The following NHSL2 variants were observed in gnomAD, a reference collection of about 807,000 sequenced individuals.
NHSL2 encodes the protein NHS like 2.
Under a neutral mutation model 53.4 loss-of-function variants are expected in NHSL2, and 27 were observed. The ratio of observed to expected loss-of-function variants is 0.51; its 90% CI spans 0.37 to 0.70. The LOEUF is 0.70. Among genes scored for constraint, NHSL2 ranks in the 30% least tolerant of loss-of-function variants. The pLI is 0.00. For synonymous variants in NHSL2, 408 were observed against 404.1 expected, an observed-to-expected ratio of 1.01 and a Z score of -0.12; for missense variants, 892 against 980.1, an observed-to-expected ratio of 0.91 and a Z score of 1.20.
chrX:72,013,182 TTCTC>T (rs2042122524), intron 1 of NHSL2, among the ~76,000 whole-genome samples: 1 of 112,361 alleles, frequency 8.9e-6, no homozygotes, highest in Non-Finnish European at 1.9e-5. Context: ...GCATATTTCT[TTCTC>T]TATTTAGGTC....
chrX:72,007,136 G>A (rs1209183043), intron 1 of NHSL2, among the ~76,000 whole-genome samples: 2 of 112,364 alleles, frequency 1.8e-5, no homozygotes, highest in East Asian at 2.8e-4. Context: ...CAAGGCAAGG[G>A]ACAGGCAGAG....
Position 72,110,678 on chromosome X carries a change from G to C in NHSL2, c.281-21401G>C, listed in dbSNP as rs140918185. Among the ~76,000 whole-genome samples the C allele has an allele frequency of 4.2e-3, 414 of 98,781 alleles. 4 individuals are homozygous for C. The highest frequency in any genetic ancestry group is 0.015 in the African/African-American group (393 of 26,322). The allele number at this position is 98,781 out of a possible 115,157, so 85.8% of individuals were successfully genotyped here. On this transcript the variant is annotated intron_variant, in intron 1 of 7. Transcript: ENST00000633930. ...TCTGTAGGCCCTAGACTTTGGACAG[G>C]ACGCTGAACGGCTTGTCCCCTCCTT...
intron 1 of NHSL2, among the ~76,000 whole-genome samples, chrX:71,979,974 A>C (rs1261594655): frequency 2.3e-4 from 26 of 112,193 alleles, no homozygotes; most frequent in Non-Finnish European, 3.4e-4. Flanking sequence ...TCAGCTTTCT[A>C]CATATGGCTA....
At chrX:72,001,909 A>G (rs2042074295) in intron 1 of NHSL2, among the ~76,000 whole-genome samples, 1 of 112,624 alleles carries the variant, frequency 8.9e-6, no homozygotes, top group South Asian at 3.7e-4. Flanking sequence ...ATTTTGACAA[A>G]TTTATCATCT....
intron 1 of NHSL2, among the ~76,000 whole-genome samples, chrX:72,076,452 T>C (rs751174150): frequency 2.4e-4 from 27 of 111,432 alleles, no homozygotes; most frequent in Non-Finnish European, 4.7e-4. Flanking sequence ...GTCATGCAGC[T>C]ACAGAGATCA....
intron 1 of NHSL2, among the ~76,000 whole-genome samples, chrX:72,008,217 C>T (rs1187630119): frequency 8.9e-6 from 1 of 112,865 alleles, no homozygotes; most frequent in African/African-American, 3.2e-5. Flanking sequence ...TGCCCACACT[C>T]TGTTCTGACT....
At chrX:71,977,240 C>T (rs190635803) in intron 1 of NHSL2, among the ~76,000 whole-genome samples, 1,608 of 111,741 alleles carry the variant, frequency 0.014, 38 homozygotes, top group African/African-American at 0.049. Flanking sequence ...GTCTCGTTTT[C>T]TCATCTGTAA....
chrX:72,036,011 T>A (rs1472046757), intron 1 of NHSL2, among the ~76,000 whole-genome samples: 2 of 111,759 alleles, frequency 1.8e-5, no homozygotes, highest in Admixed American at 9.5e-5. Flanking sequence ...ATGCAAGGGA[T>A]CTAAGCTGCA....
At chrX:71,923,731 C>T (rs1216644165) in intron 1 of NHSL2, among the ~76,000 whole-genome samples, 1 of 111,931 alleles carries the variant, frequency 8.9e-6, no homozygotes, top group Non-Finnish European at 1.9e-5. Context: ...AGGCTGCAGG[C>T]TGTTGTTTGA....
chrX:71,952,062 G>A (rs764486137), intron 1 of NHSL2, among the ~76,000 whole-genome samples: 1 of 112,122 alleles, frequency 8.9e-6, no homozygotes, highest in African/African-American at 3.2e-5. Context: ...AAGTGAATCT[G>A]GTCCTCCTTC....
At chrX:72,048,026 A>G (rs1031760623) in intron 1 of NHSL2, among the ~76,000 whole-genome samples, 1 of 107,834 alleles carries the variant, frequency 9.3e-6, no homozygotes, top group Admixed American at 1.0e-4. Flanking sequence ...GTTCAGTGCC[A>G]TTAAGAGTTC....
At chrX:71,987,948 A>G (rs1024234777) in intron 1 of NHSL2, among the ~76,000 whole-genome samples, 11 of 112,411 alleles carry the variant, frequency 9.8e-5, no homozygotes, top group Admixed American at 2.8e-4. Flanking sequence ...AGGGCTAACT[A>G]TAACATGAAA....
chrX:71,956,114 T>G (rs1481588541), intron 1 of NHSL2, among the ~76,000 whole-genome samples: 2 of 111,546 alleles, frequency 1.8e-5, no homozygotes, highest in African/African-American at 6.5e-5. Flanking sequence ...CACATTAGAC[T>G]CAGACCCTGC....
intron 7 of NHSL2, among the ~76,000 whole-genome samples, chrX:72,142,641 G>A (rs1351215209): frequency 9.1e-6 from 1 of 110,438 alleles, no homozygotes; most frequent in African/African-American, 3.3e-5. Flanking sequence ...CAGGTGCCGA[G>A]TGAGAGGCCC....
At chrX:72,106,134 C>T (rs1438388844) in intron 1 of NHSL2, among the ~76,000 whole-genome samples, 4 of 110,191 alleles carry the variant, frequency 3.6e-5, no homozygotes, top group South Asian at 7.8e-4. Context: ...GCGTGAACCC[C>T]GGGGGGGCAG....
chrX:72,071,594 G>A (rs1326006374), intron 1 of NHSL2, among the ~76,000 whole-genome samples: 2 of 111,037 alleles, frequency 1.8e-5, no homozygotes, highest in Non-Finnish European at 3.8e-5. Flanking sequence ...TCCACCTCTT[G>A]GTCCTCACCT....
intron 2 of NHSL2, chrX:72,133,612 C>G (rs1374840232): frequency 1.8e-5 from 2 of 113,629 alleles, no homozygotes; most frequent in African/African-American, 3.3e-5. Flanking sequence ...GGGAACACGG[C>G]CCACAAAGGC....
chrX:72,028,448 C>T (rs1270726903), intron 1 of NHSL2, among the ~76,000 whole-genome samples: 1 of 111,991 alleles, frequency 8.9e-6, no homozygotes, highest in Non-Finnish European at 1.9e-5. Flanking sequence ...TGTATTTAAT[C>T]AGCAAGCATC....
intron 1 of NHSL2, among the ~76,000 whole-genome samples, chrX:72,021,424 A>G (rs191642447): frequency 3.1e-4 from 35 of 111,875 alleles, no homozygotes; most frequent in African/African-American, 1.1e-3. Context: ...GTGTGCTTCA[A>G]GGGAGAGTAA....
Sources: allele counts gnomAD v4.1 joint callset (sites outside exome capture counted in the v4.1 genomes callset), GRCh38; gene constraint gnomAD v4.1.1; transcripts MANE v1.5; gene names NCBI Gene and HGNC (gene_info 2026-07-23, HGNC 2026-07-21).